The following PCDH9 variants were observed in gnomAD, a reference collection of about 807,000 sequenced individuals.
PCDH9 encodes protocadherin-9.
Under a neutral mutation model 70.6 loss-of-function variants are expected in PCDH9, and 24 were observed. The observed-to-expected ratio is 0.34, with a 90% CI of 0.25 to 0.48. The LOEUF (loss-of-function observed/expected upper bound fraction) is 0.48. PCDH9 is among the 20% of genes least tolerant of loss of function. PCDH9 has a pLI of 0.99. For missense variants in PCDH9, 1,281 were observed against 1,503.6 expected, an observed-to-expected ratio of 0.85 and a Z score of 2.45; for synonymous variants, 562 against 558.5, an observed-to-expected ratio of 1.01 and a Z score of -0.09.
chr13:66,675,627 T>C (rs2139047552), intron 3 of PCDH9, among the ~76,000 whole-genome samples: 1 of 152,254 alleles, frequency 6.6e-6, no homozygotes, highest in Non-Finnish European at 1.5e-5. Flanking sequence ...CAAATTGAGC[T>C]TCAGATGCCT....
intron 3 of PCDH9, among the ~76,000 whole-genome samples, chr13:66,694,742 T>C (rs2078535144): frequency 6.6e-6 from 1 of 151,986 alleles, no homozygotes; most frequent in East Asian, 1.9e-4. Context: ...TGTATGTGAC[T>C]ATACACATTA....
At chr13:66,364,625 A>T (rs1956523931) in intron 4 of PCDH9, among the ~76,000 whole-genome samples, 1 of 152,192 alleles carries the variant, frequency 6.6e-6, no homozygotes, top group South Asian at 2.1e-4. Context: ...TAATTTTCTG[A>T]CAGCTAGAAA....
intron 2 of PCDH9, among the ~76,000 whole-genome samples, chr13:66,997,237 A>G (rs1172578758): frequency 6.6e-6 from 1 of 152,220 alleles, no homozygotes; most frequent in Non-Finnish European, 1.5e-5. Context: ...CAGGCTGGAC[A>G]GGAAGCATGG....
chr13:67,012,637 T>G (rs1301632601), intron 2 of PCDH9, among the ~76,000 whole-genome samples: 1 of 151,952 alleles, frequency 6.6e-6, no homozygotes, highest in Non-Finnish European at 1.5e-5. Context: ...TGAGTCGCAT[T>G]TTTTTCCATT....
chr13:66,524,982 G>GAGAGAGAA (rs1304211601), intron 4 of PCDH9, among the ~76,000 whole-genome samples: 1 of 152,014 alleles, frequency 6.6e-6, no homozygotes, highest in African/African-American at 2.4e-5. Context: ...GTGCATGTGA[G>GAGAGAGAA]AGAGAGAAAG....
chr13:66,522,432 A>G (rs550479492), intron 4 of PCDH9, among the ~76,000 whole-genome samples: 4 of 152,142 alleles, frequency 2.6e-5, no homozygotes, highest in African/African-American at 9.6e-5. Flanking sequence ...TCAAAATTCA[A>G]TAAGAAAGAC....
chr13:66,812,428 CAA>C (rs756916472), intron 3 of PCDH9, among the ~76,000 whole-genome samples: 15 of 152,238 alleles, frequency 9.9e-5, no homozygotes, highest in Non-Finnish European at 1.9e-4. Flanking sequence ...ATTTAAATAA[CAA>C]AGAATAGACA....
chr13:66,611,036 T>C (rs891037028), intron 4 of PCDH9, among the ~76,000 whole-genome samples: 1 of 152,170 alleles, frequency 6.6e-6, no homozygotes, highest in African/African-American at 2.4e-5. Context: ...TTTTCTTACA[T>C]TATTCTTAAT....
intron 2 of PCDH9, among the ~76,000 whole-genome samples, chr13:67,082,813 T>G (rs1366526166): frequency 6.6e-6 from 1 of 152,196 alleles, no homozygotes; most frequent in East Asian, 1.9e-4. Flanking sequence ...ATATTTGTGC[T>G]CAGAACTGTA....
At chr13:67,013,723 C>CAA (rs144210770) in intron 2 of PCDH9, among the ~76,000 whole-genome samples, 157 of 105,914 alleles carry the variant, frequency 1.5e-3, no homozygotes, top group African/African-American at 4.1e-3. Context: ...TGATGGATAA[C>CAA]AAAAAAAAAT....
At chr13:66,731,321 T>C (rs2079076981) in intron 3 of PCDH9, among the ~76,000 whole-genome samples, 1 of 152,114 alleles carries the variant, frequency 6.6e-6, no homozygotes, top group Admixed American at 6.5e-5. Flanking sequence ...AAGTCAGACA[T>C]TTTGTATACA....
intron 3 of PCDH9, among the ~76,000 whole-genome samples, chr13:66,705,497 T>C (rs2078699745): frequency 1.3e-5 from 2 of 152,184 alleles, no homozygotes; most frequent in Non-Finnish European, 2.9e-5. Context: ...CACACCTAAA[T>C]AAAGTTCACC....
At chr13:66,305,345 T>G (rs1261761593) in intron 4 of PCDH9, among the ~76,000 whole-genome samples, 3 of 152,008 alleles carry the variant, frequency 2.0e-5, no homozygotes, top group Admixed American at 1.3e-4. Context: ...GATATAACCA[T>G]GATGCATACA....
At chr13:67,080,484 C>T (rs142536966) in intron 2 of PCDH9, among the ~76,000 whole-genome samples, 190 of 152,252 alleles carry the variant, frequency 1.2e-3, no homozygotes, top group African/African-American at 4.4e-3. Context: ...ATACATTCTA[C>T]AATAGCAACA....
chr13:66,530,868 T>C (rs572337009), intron 4 of PCDH9, among the ~76,000 whole-genome samples: 1 of 152,214 alleles, frequency 6.6e-6, no homozygotes, highest in East Asian at 1.9e-4. Context: ...TTCAGTTTTT[T>C]GAAGCATTTG....
chr13:67,139,303 G>T (rs1369658705), intron 2 of PCDH9, among the ~76,000 whole-genome samples: 1 of 152,164 alleles, frequency 6.6e-6, no homozygotes, highest in Non-Finnish European at 1.5e-5. Flanking sequence ...ATTTGAATCT[G>T]TGAGCAGCCT....
Position 66,883,337 on chromosome 13 carries a change from T to A in PCDH9, c.3138+20167A>T, listed in dbSNP as rs1286442254. Among the ~76,000 whole-genome samples, 3 of 152,166 alleles carry A rather than the reference T, an allele frequency of 2.0e-5. No individual in the cohort carries two copies. The East Asian group carries it at 5.8e-4, about 29-fold the overall frequency. Reference sequence around the variant, plus strand: ...TTCATTATGCTTACAGTGTCACAGGTGTGTTGCCAGATATATAATCAGCAC... The same window carrying A: ...TTCATTATGCTTACAGTGTCACAGGAGTGTTGCCAGATATATAATCAGCAC... On this transcript the variant is annotated intron_variant, in intron 3 of 4. Transcript: ENST00000377865.
rs550340260 is a variant in PCDH9, at chr13:66,622,761, A to T, written c.3340+8449T>A. On this transcript the variant is annotated intron_variant, in intron 4 of 4. Transcript: ENST00000377865. ...TGGGGCCAGATAAGAGAATAAAAGCAGGCTGCCCGGGCAGGCAGTGGCAAT... is the reference window on the plus strand; with the variant it reads ...TGGGGCCAGATAAGAGAATAAAAGCTGGCTGCCCGGGCAGGCAGTGGCAAT... Among the ~76,000 whole-genome samples, 7 of 152,274 alleles carry T rather than the reference A, an allele frequency of 4.6e-5. No individual in the cohort carries two copies. The East Asian group carries it at 1.4e-3, about 30-fold the overall frequency.
intron 3 of PCDH9, among the ~76,000 whole-genome samples, chr13:66,748,233 T>C (rs563311830): frequency 7.9e-5 from 12 of 152,336 alleles, no homozygotes; most frequent in South Asian, 2.1e-4. Context: ...TCAATAGCAA[T>C]AGTTGAATAT....
Sources: allele counts gnomAD v4.1 joint callset (sites outside exome capture counted in the v4.1 genomes callset), GRCh38; gene constraint gnomAD v4.1.1; transcripts MANE v1.5; gene names NCBI Gene and HGNC (gene_info 2026-07-23, HGNC 2026-07-21).